The following TMEM217B variants were observed in gnomAD, a reference collection of about 807,000 sequenced individuals.
TMEM217B encodes the protein putative transmembrane protein 217B.
chr6:37,212,948 G>A, the TMEM217B span: 1 of 1,549,960 alleles, frequency 6.5e-7, no homozygotes, highest in Middle Eastern at 1.7e-4. Flanking sequence ...CCCACCATGA[G>A]GGAGAACATC....
chr6:37,227,470 G>A, the TMEM217B span, among the ~76,000 whole-genome samples: 12 of 151,972 alleles, frequency 7.9e-5, no homozygotes, highest in East Asian at 1.9e-4. Context: ...TGTTTGAGAC[G>A]GAGTCTCGCT....
At chr6:37,256,484 T>A in the TMEM217B span, among the ~76,000 whole-genome samples, 1 of 152,134 alleles carries the variant, frequency 6.6e-6, no homozygotes, top group Admixed American at 6.5e-5. Context: ...TAGAGGGGCT[T>A]TTTTTCTCTG....
At chr6:37,216,651 A>T in the TMEM217B span, among the ~76,000 whole-genome samples, 1 of 152,194 alleles carries the variant, frequency 6.6e-6, no homozygotes, top group African/African-American at 2.4e-5. Flanking sequence ...GACAATGACA[A>T]GGACAGCTTG....
the TMEM217B span, among the ~76,000 whole-genome samples, chr6:37,231,234 T>C: frequency 6.9e-6 from 1 of 144,988 alleles, no homozygotes; most frequent in African/African-American, 2.5e-5. Flanking sequence ...TAATTTTTTT[T>C]TTTTTTTTTT....
chr6:37,224,682 C>T, the TMEM217B span, among the ~76,000 whole-genome samples: 8 of 152,018 alleles, frequency 5.3e-5, no homozygotes, highest in Admixed American at 5.2e-4. Flanking sequence ...TCTCAAACTC[C>T]TGGCCTCAAG....
chr6:37,255,175 C>T, the TMEM217B span, among the ~76,000 whole-genome samples: 19 of 152,154 alleles, frequency 1.2e-4, no homozygotes, highest in African/African-American at 3.9e-4. Flanking sequence ...GTAGTGATAG[C>T]GCTTTAAAGA....
chr6:37,233,507 G>A, the TMEM217B span, among the ~76,000 whole-genome samples: 2 of 152,208 alleles, frequency 1.3e-5, no homozygotes, highest in African/African-American at 4.8e-5. Flanking sequence ...GGAAGGGCAA[G>A]AGGCAGCTCT....
At chr6:37,245,783 CT>C in the TMEM217B span, among the ~76,000 whole-genome samples, 3 of 140,220 alleles carry the variant, frequency 2.1e-5, no homozygotes, top group African/African-American at 5.4e-5. Context: ...ATTTTCTTTT[CT>C]TTTCTTTCTT....
At chr6:37,219,369 CAGTAATTTTCAAAACTTCCT>C in the TMEM217B span, among the ~76,000 whole-genome samples, 2 of 152,254 alleles carry the variant, frequency 1.3e-5, no homozygotes, top group Admixed American at 6.5e-5. Flanking sequence ...ATCCAGGCAC[CAGTAATTTTCAAAACTTCCT>C]AGTAATTTTC....
the TMEM217B span, among the ~76,000 whole-genome samples, chr6:37,235,156 T>G: frequency 6.6e-6 from 1 of 152,180 alleles, no homozygotes; most frequent in South Asian, 2.1e-4. Flanking sequence ...TAGCTGGGGA[T>G]AGAACAAAGC....
chr6:37,242,867 G>T, the TMEM217B span, among the ~76,000 whole-genome samples: 1 of 152,204 alleles, frequency 6.6e-6, no homozygotes, highest in Non-Finnish European at 1.5e-5. Flanking sequence ...CCAGGCAGGA[G>T]TGTGCCAGTA....
At chr6:37,244,664 C>T in the TMEM217B span, among the ~76,000 whole-genome samples, 1 of 152,092 alleles carries the variant, frequency 6.6e-6, no homozygotes, top group Admixed American at 6.6e-5. Context: ...GTGTGTTGGC[C>T]GTATATTGTC....
chr6:37,216,227 T>C, the TMEM217B span, among the ~76,000 whole-genome samples: 1 of 151,952 alleles, frequency 6.6e-6, no homozygotes, highest in East Asian at 1.9e-4. Flanking sequence ...TACAGGTGCC[T>C]GCCACTATAC....
At chr6:37,245,878 C>G in the TMEM217B span, among the ~76,000 whole-genome samples, 4 of 151,802 alleles carry the variant, frequency 2.6e-5, no homozygotes, top group African/African-American at 9.7e-5. Flanking sequence ...TGGCTCACCG[C>G]AACCTCTGCC....
At chr6:37,241,276 C>T in the TMEM217B span, among the ~76,000 whole-genome samples, 1 of 151,296 alleles carries the variant, frequency 6.6e-6, no homozygotes, top group African/African-American at 2.4e-5. Flanking sequence ...CGGGGTCTCA[C>T]TATGTTGCCC....
At chr6:37,218,185 T>TTTG in the TMEM217B span, 41 of 1,121,850 alleles carry the variant, frequency 3.7e-5, no homozygotes, top group East Asian at 1.7e-4. Flanking sequence ...TTTTTTTTTT[T>TTTG]GGGGGACAGA....
At chr6:37,212,682 G>A in the TMEM217B span, 211 of 605,576 alleles carry the variant, frequency 3.5e-4, 1 homozygote, top group Admixed American at 1.7e-3. Context: ...TGATGAGCTC[G>A]TAAGTGATGA....
At chr6:37,239,146 C>T in the TMEM217B span, among the ~76,000 whole-genome samples, 13 of 151,838 alleles carry the variant, frequency 8.6e-5, no homozygotes, top group East Asian at 1.9e-4. Context: ...AAACAAAAGC[C>T]GTATGTCTAA....
the TMEM217B span, among the ~76,000 whole-genome samples, chr6:37,223,786 G>A: frequency 2.0e-3 from 301 of 152,196 alleles, 3 homozygotes; most frequent in African/African-American, 6.8e-3. Flanking sequence ...GGGATTACAG[G>A]CGTGAGCCAC....
Sources: allele counts gnomAD v4.1 joint callset (sites outside exome capture counted in the v4.1 genomes callset), GRCh38; gene constraint gnomAD v4.1.1; transcripts MANE v1.5; gene names NCBI Gene and HGNC (gene_info 2026-07-23, HGNC 2026-07-21).